The following DENND4B variants were observed in gnomAD, a reference collection of about 807,000 sequenced individuals.
DENND4B encodes the protein DENN domain containing 4B.
Under a neutral mutation model 161.0 loss-of-function variants are expected in DENND4B, and 67 were observed. The observed-to-expected ratio is 0.42, with a 90% CI of 0.34 to 0.51. The LOEUF is 0.51. DENND4B is among the 20% of genes least tolerant of loss of function. DENND4B has a pLI of 0.08. For synonymous variants in DENND4B, 753 were observed against 813.8 expected (o/e 0.93, Z 1.27); for missense variants, 1,481 against 1,968.0 (o/e 0.75, Z 4.68).
intron 2 of DENND4B, among the ~76,000 whole-genome samples, chr1:153,943,718 CACTG>C (rs1446890982): frequency 1.4e-5 from 2 of 146,888 alleles, no homozygotes; most frequent in African/African-American, 5.0e-5. Flanking sequence ...TACAAGCTAC[CACTG>C]ACTGACTCTG....
chr1:153,931,882 C>T (rs1458772780), intron 24 of DENND4B, among the ~76,000 whole-genome samples: 1 of 151,648 alleles, frequency 6.6e-6, no homozygotes, highest in East Asian at 1.9e-4. Context: ...CGGCTCACCA[C>T]AACCTCCGCC....
Position 153,942,082 on chromosome 1 carries a change from G to A in DENND4B, c.842C>T (p.Ala281Val), listed in dbSNP as rs1429028016. 7 of 1,612,928 alleles carry A rather than the reference G, an allele frequency of 4.3e-6. No homozygotes were observed. Among genetic ancestry groups the A allele is most frequent in the Admixed American group, 3.3e-5 (2 of 59,886 alleles). ...VYGAALQFYEAFPRARLSERQ... is the reference protein window; with the variant it reads ...VYGAALQFYEVFPRARLSERQ... The stretch of plus-strand genomic sequence containing the variant: ...CTCTGATAGCCTGGCCCTTGGGAAC[G>A]CCTCGTAGAACTGCAGGGCGGCACC... The change falls in exon 6 of 28, where the codon GCG (alanine) becomes GTG (valine). Residue 281 changes from alanine to valine, a missense_variant. Ala to Val is a moderately conservative substitution (Grantham distance 64). Coordinates refer to ENST00000361217, the MANE Select transcript of DENND4B (RefSeq NM_014856.3). This position sits in a 1 kb window ranked among gnomAD's most constrained non-coding sequence, Gnocchi z 6.9.
Position 153,933,746 on chromosome 1 carries a change from A to C in DENND4B, c.3067T>G (p.Ser1023Ala), listed in dbSNP as rs1372822533. The C allele has an allele frequency of 1.2e-6, 2 of 1,601,336 alleles. No homozygotes were observed. The highest frequency in any genetic ancestry group is 2.2e-5 in the South Asian group (2 of 89,412). ...TCAGTGGACTGGGCACTCAGGGCTGAGCCTGAGCCCCCTGGGCTGCCTCCA... is the reference window on the plus strand; with the variant it reads ...TCAGTGGACTGGGCACTCAGGGCTGCGCCTGAGCCCCCTGGGCTGCCTCCA... ...LPGGSPGGSG[S>A]ALSAQSTEAL... The change falls in exon 20 of 28, where the codon TCA (serine) becomes GCA (alanine). Residue 1023 changes from serine (S) to alanine (A), a missense_variant. Ser to Ala is a moderately conservative substitution (Grantham distance 99). Transcript: ENST00000361217. The surrounding 1 kb of genome is among the most constrained non-coding windows in gnomAD (Gnocchi z 5.7).
rs751552787 is a variant in DENND4B, at chr1:153,933,041, G to A, written c.3454-11C>T. ...GCTGGACAGCAGAATCTGTGGGCAG[G>A]GAGAGTCGGGAAGTAGGTGCTGTCT... is the stretch of plus-strand genomic sequence containing the variant. On this transcript the variant is annotated splice_polypyrimidine_tract_variant and intron_variant, in intron 21 of 27. Transcript: ENST00000361217. The surrounding 1 kb of genome is among the most constrained non-coding windows in gnomAD (Gnocchi z 5.7). 6.2e-7 allele frequency: 1 copy of A among 1,612,538 alleles called. No homozygotes were observed. Among genetic ancestry groups the A allele is most frequent in the East Asian group, 2.2e-5 (1 of 44,848 alleles).
At chr1:153,931,493 T>G (rs1354181871) in intron 24 of DENND4B, among the ~76,000 whole-genome samples, 35 of 151,060 alleles carry the variant, frequency 2.3e-4, no homozygotes, top group Admixed American at 2.3e-3. Context: ...GTCTATGCTC[T>G]TTCTTTTTTT....
chr1:153,941,984 T>C lies in DENND4B; in HGVS notation c.940A>G (p.Ser314Gly). 2.5e-6 allele frequency: 4 copies of C among 1,612,332 alleles called. No homozygotes were observed. Among genetic ancestry groups the C allele is most frequent in the Non-Finnish European group, 3.4e-6 (4 of 1,179,668 alleles). ...GACAGCACAGCGATGGCACGCCGGC[T>C]GCGCACAGCTCTGCCCCCCAGTGCC... ...GRALGGRAVR[S>G]RRAIAVLSRW... Residue 314 changes from serine to glycine, a missense_variant, in exon 6 of 28, where the codon AGC becomes GGC. This residue lies in a region of DENND4B where 806 missense variants were observed against 1,134.4 expected (regional missense o/e 0.71). Coordinates refer to ENST00000361217, the MANE Select transcript of DENND4B (RefSeq NM_014856.3).
Position 153,942,522 on chromosome 1 carries a change from G to C in DENND4B, c.640+34C>G. ...AGGCACCAGGGCAAAGGGATGTAGG[G>C]TCACAGGATTGGAGGGATAAAGGGG... On this transcript the variant is annotated intron_variant, in intron 4 of 27. Transcript: ENST00000361217. This position sits in a 1 kb window ranked among gnomAD's most constrained non-coding sequence, Gnocchi z 6.9. 6.3e-7 allele frequency: 1 copy of C among 1,583,224 alleles called. No individual in the cohort carries two copies. Among genetic ancestry groups the C allele is most frequent in the Non-Finnish European group, 8.6e-7 (1 of 1,164,282 alleles).
In DENND4B at chr1:153,937,935, G is replaced by A; in HGVS notation, c.1966-72C>T. On this transcript the variant is annotated intron_variant, in intron 13 of 27. Transcript: ENST00000361217. The surrounding 1 kb of genome is among the most constrained non-coding windows in gnomAD (Gnocchi z 4.7). ...AGCAGAGCCAGGGTGTCTAGACGAT[G>A]GCATCTCCCAGGAAAGCTCATCCAC... The A allele has an allele frequency of 6.3e-7, 1 of 1,596,092 alleles. No individual in the cohort carries two copies. The highest frequency in any genetic ancestry group is 8.6e-7 in the Non-Finnish European group (1 of 1,168,776).
Position 153,944,988 on chromosome 1 carries a change from G to T in DENND4B, c.-23-591C>A. On this transcript the variant is annotated intron_variant, in intron 1 of 27. Coordinates refer to ENST00000361217, the MANE Select transcript of DENND4B (RefSeq NM_014856.3). The surrounding 1 kb of genome is among the most constrained non-coding windows in gnomAD (Gnocchi z 4.8). ...CTCCTAGCTTAACTCCACCAATCTGGCCCAAAATCCAGTGTTCTCACACCT... is the reference window on the plus strand; with the variant it reads ...CTCCTAGCTTAACTCCACCAATCTGTCCCAAAATCCAGTGTTCTCACACCT... The T allele has an allele frequency of 1.1e-6, 1 of 887,234 alleles. No homozygotes were observed. The highest frequency in any genetic ancestry group is 1.5e-6 in the Non-Finnish European group (1 of 669,672). The allele number at this position is 887,234 out of a possible 1,614,324, so 55.0% of individuals were successfully genotyped here.
rs1313038009 is a variant in DENND4B at position 153,932,753 on chromosome 1, A to G, written c.3648T>C (p.Gly1216=). ...RPSVPSPKSA[G]ASGSKDAPVP... ...CAGGAGCATCTTTGCTGCCACTGGC[A>G]CCAGCAGATTTGGGGCTGGGGACAC... Residue 1216 remains glycine (G), a synonymous_variant, in exon 23 of 28, where the codon GGT becomes GGC. Transcript: ENST00000361217. This position sits in a 1 kb window ranked among gnomAD's most constrained non-coding sequence, Gnocchi z 5.8. 1.2e-6 allele frequency: 2 copies of G among 1,614,028 alleles called. No homozygotes were observed. Among genetic ancestry groups the G allele is most frequent in the South Asian group, 2.2e-5 (2 of 91,086 alleles).
rs935296084 is a variant in DENND4B, at chr1:153,946,008, G to A, written c.-24+293C>T. ...AGGAGGGCAGAGAAGCAGGCGCGCC[G>A]GCGGCCGAGGACGTGACGGCAGCAG... On this transcript the variant is annotated intron_variant, in intron 1 of 27. Transcript: ENST00000361217. This position sits in a 1 kb window ranked among gnomAD's most constrained non-coding sequence, Gnocchi z 6.3. 2.6e-5 allele frequency among the ~76,000 whole-genome samples: 4 copies of A among 152,210 alleles called. No homozygotes were observed. Among genetic ancestry groups the A allele is most frequent in the Non-Finnish European group, 4.4e-5 (3 of 68,020 alleles).
intron 11 of DENND4B, 43 bp from the exon 12 acceptor site, chr1:153,939,847 G>A (rs781409392): frequency 3.1e-6 from 5 of 1,589,210 alleles, no homozygotes; most frequent in African/African-American, 1.3e-5. Context: ...GGCTCCCATA[G>A]TGTTACCCTC....
intron 2 of DENND4B, 102 bp from the exon 3 acceptor site, chr1:153,943,232 C>T: frequency 2.7e-6 from 4 of 1,479,976 alleles, no homozygotes; most frequent in Non-Finnish European, 3.6e-6. Flanking sequence ...TTGCCTTGTA[C>T]CCACAGCCTT....
In DENND4B at chr1:153,933,024, G is replaced by A; in HGVS notation, c.3460C>T (p.Leu1154=). The part of the protein sequence containing the change: ...SFQSPSLEIL[L]SSCSLCRACD... ...GCACGGCACAGGGAGCAGCTGGACAGCAGAATCTGTGGGCAGGGAGAGTCG... is the reference window on the plus strand; with the variant it reads ...GCACGGCACAGGGAGCAGCTGGACAACAGAATCTGTGGGCAGGGAGAGTCG... Residue 1154 remains leucine, a synonymous_variant, in exon 22 of 28, where the codon CTG becomes TTG. Transcript: ENST00000361217. This position sits in a 1 kb window ranked among gnomAD's most constrained non-coding sequence, Gnocchi z 5.7. 1 of 1,613,716 alleles carries A rather than the reference G, an allele frequency of 6.2e-7. No homozygotes were observed. Among genetic ancestry groups the A allele is most frequent in the East Asian group, 2.2e-5 (1 of 44,866 alleles).
Position 153,942,425 on chromosome 1 carries a change from C to A in DENND4B, c.641-69G>T. ...CCATCAGACTCCAAGGGAAATGAAC[C>A]AAGGGATCCCAGAGAAGGCCCGAGT... On this transcript the variant is annotated intron_variant, in intron 4 of 27. Transcript: ENST00000361217. The surrounding 1 kb of genome is among the most constrained non-coding windows in gnomAD (Gnocchi z 6.9). 6.3e-7 allele frequency: 1 copy of A among 1,580,438 alleles called. No individual in the cohort carries two copies. Among genetic ancestry groups the A allele is most frequent in the Non-Finnish European group, 8.6e-7 (1 of 1,162,978 alleles).
chr1:153,935,052 C>A, intron 17 of DENND4B, 88 bp from the exon 18 acceptor site: 1 of 1,558,924 alleles, frequency 6.4e-7, no homozygotes, highest in Non-Finnish European at 8.6e-7. Context: ...CCCCAGGGAC[C>A]GCCCTTCCCC....
chr1:153,930,014 A>C lies in DENND4B; in HGVS notation c.*283T>G, dbSNP rs1678811229. ...CAATGCAGATCTGTGGGTACCCTGG[A>C]GGGGAGTTCCCGGTATAGGACAAGG... On this transcript the variant is annotated 3_prime_UTR_variant, in exon 28 of 28. Transcript: ENST00000361217. This position sits in a 1 kb window ranked among gnomAD's most constrained non-coding sequence, Gnocchi z 4.7. The C allele has an allele frequency of 2.3e-6, 1 of 437,048 alleles. No individual in the cohort carries two copies. Among genetic ancestry groups the C allele is most frequent in the Non-Finnish European group, 4.1e-6 (1 of 242,876 alleles). The allele number at this position is 437,048 out of a possible 1,614,324, so 27.1% of individuals were successfully genotyped here. A position where few individuals can be genotyped will look rare whatever the true frequency, so the allele number is the denominator to read the frequency against.
intron 2 of DENND4B, 107 bp downstream of exon 2, chr1:153,943,951 G>T: frequency 7.8e-7 from 1 of 1,280,094 alleles, no homozygotes; most frequent in Non-Finnish European, 1.0e-6. Context: ...TGGCCCACCA[G>T]GCTCCCATCC....
rs781155377 is a variant in DENND4B at position 153,934,165 on chromosome 1, G to C, written c.2911C>G (p.Gln971Glu). 6.3e-7 allele frequency: 1 copy of C among 1,586,658 alleles called. No homozygotes were observed. Among genetic ancestry groups the C allele is most frequent in the Non-Finnish European group, 8.5e-7 (1 of 1,172,486 alleles). Reference sequence around the variant, plus strand: ...GCCACACCGGCCTCCACAGTGGGCTGTGCCCCTCGGGCACTGCCCAGGCTA... The same window carrying C: ...GCCACACCGGCCTCCACAGTGGGCTCTGCCCCTCGGGCACTGCCCAGGCTA... Reference protein sequence around the residue: ...SGSLGSARGAQPTVEAGVAHM... With the variant: ...SGSLGSARGAEPTVEAGVAHM... The change falls in exon 19 of 28, where the codon CAG becomes GAG. Residue 971 changes from glutamine (Q) to glutamate (E), a missense_variant. Coordinates refer to ENST00000361217, the MANE Select transcript of DENND4B (RefSeq NM_014856.3). This position sits in a 1 kb window ranked among gnomAD's most constrained non-coding sequence, Gnocchi z 5.3.
Sources: gnomAD v4.1 joint callset for allele counts (sites outside exome capture counted in the v4.1 genomes callset) on GRCh38, gnomAD v4.1.1 for gene constraint, gnomAD v4.1.1 regional missense constraint, Gnocchi (gnomAD v3.1) non-coding constraint, MANE v1.5 for transcripts, NCBI Gene and HGNC (gene_info 2026-07-23, HGNC 2026-07-21) for gene names.